ASPRV1: variants seen among roughly 807,000 people sequenced by gnomAD.
ASPRV1 encodes the protein retroviral-like aspartic protease 1.
A neutral mutation model predicts 11.0 loss-of-function variants in ASPRV1; 7 were observed. That is an observed-to-expected ratio of 0.64 (90% confidence interval 0.36 to 1.20). The LOEUF is 1.20. ASPRV1 is among the 50% of genes most tolerant of loss of function. ASPRV1 has a pLI of 0.02. For synonymous variants in ASPRV1, 136 were observed against 138.4 expected (o/e 0.98, Z 0.12); for missense variants, 299 against 320.0 (o/e 0.93, Z 0.50).
chr2:69,955,136 G>C (rs563030076), downstream of ASPRV1, among the ~76,000 whole-genome samples: 98 of 152,360 alleles, frequency 6.4e-4, no homozygotes, highest in Non-Finnish European at 1.2e-3. Flanking sequence ...AGCAGTGACT[G>C]ATGGGCCTGG....
the ASPRV1 span, among the ~76,000 whole-genome samples, chr2:70,022,529 C>CA: frequency 5.3e-5 from 8 of 150,034 alleles, no homozygotes; most frequent in South Asian, 2.1e-4. Flanking sequence ...CTACAAAAAA[C>CA]AAAAAAAAAG....
At chr2:69,937,492 T>C in the ASPRV1 span, 2 of 1,178,892 alleles carry the variant, frequency 1.7e-6, no homozygotes, top group Non-Finnish European at 2.3e-6. Context: ...TAAGAAGAAC[T>C]AAGACACTGG....
At chr2:70,072,314 A>G in the ASPRV1 span, among the ~76,000 whole-genome samples, 1 of 152,130 alleles carries the variant, frequency 6.6e-6, no homozygotes, top group East Asian at 1.9e-4. Flanking sequence ...GCTACTCAGA[A>G]GACTGAGGCA....
At chr2:69,956,479 A>AAGAAGAAGAAGAAG (rs1558579534), downstream of ASPRV1, among the ~76,000 whole-genome samples, 154 of 131,918 alleles carry the variant, frequency 1.2e-3, 9 homozygotes, top group African/African-American at 4.9e-3. Context: ...AGAAGAAGAA[A>AAGAAGAAGAAGAAG]AGAGGAAGAA....
chr2:69,954,420 G>A, the ASPRV1 span, among the ~76,000 whole-genome samples: 1 of 152,114 alleles, frequency 6.6e-6, no homozygotes, highest in South Asian at 2.1e-4. Flanking sequence ...TATACCATTG[G>A]CAGATACATT....
At chr2:70,025,447 G>A in the ASPRV1 span, among the ~76,000 whole-genome samples, 1 of 152,142 alleles carries the variant, frequency 6.6e-6, no homozygotes, top group Non-Finnish European at 1.5e-5. Context: ...AGGAGGAAGA[G>A]AAGGGAAAGA....
chr2:69,996,564 C>G, the ASPRV1 span: 4 of 387,630 alleles, frequency 1.0e-5, no homozygotes, highest in South Asian at 7.7e-5. Flanking sequence ...TGTTCCAGAA[C>G]AACAAAATGA....
At chr2:69,945,023 TA>T in the ASPRV1 span, among the ~76,000 whole-genome samples, 48 of 152,242 alleles carry the variant, frequency 3.2e-4, no homozygotes, top group Middle Eastern at 3.4e-3. Context: ...CACTATGACC[TA>T]GATGAGGAGG....
the ASPRV1 span, among the ~76,000 whole-genome samples, chr2:69,997,188 A>AG: frequency 2.7e-5 from 1 of 36,412 alleles, no homozygotes; most frequent in Non-Finnish European, 3.9e-5. Flanking sequence ...CCAGTCTATT[A>AG]AAAAAAAAAA....
chr2:70,022,636 G>A, the ASPRV1 span, among the ~76,000 whole-genome samples: 1 of 152,036 alleles, frequency 6.6e-6, no homozygotes, highest in East Asian at 1.9e-4. Context: ...GCTGCAGTGA[G>A]CTGAGATCGC....
At chr2:69,962,019 T>C (rs1678137787), upstream of ASPRV1, 1 of 282,278 alleles carries the variant, frequency 3.5e-6, no homozygotes, top group South Asian at 9.9e-5. Flanking sequence ...GTGACTACTT[T>C]GAGTGGTCAA....
At chr2:69,994,404 G>A in the ASPRV1 span, among the ~76,000 whole-genome samples, 5 of 152,204 alleles carry the variant, frequency 3.3e-5, no homozygotes, top group East Asian at 9.6e-4. Context: ...CCATTTTACA[G>A]CATGACCAAC....
chr2:69,956,947 C>T (rs1275083511), downstream of ASPRV1, among the ~76,000 whole-genome samples: 1 of 152,148 alleles, frequency 6.6e-6, no homozygotes, highest in Non-Finnish European at 1.5e-5. Context: ...TCAAAACTAT[C>T]AGGGTCATGA....
the ASPRV1 span, chr2:70,080,827 T>G: frequency 6.6e-6 from 1 of 152,254 alleles, no homozygotes; most frequent in African/African-American, 2.4e-5. Context: ...CAATTGACTG[T>G]GCTTTCTTTG....
chr2:70,075,283 TG>T, the ASPRV1 span: 2 of 148,592 alleles, frequency 1.3e-5, no homozygotes, highest in Non-Finnish European at 3.0e-5. Flanking sequence ...TGATTTTTTT[TG>T]TATTTTTAGT....
the ASPRV1 span, among the ~76,000 whole-genome samples, chr2:70,027,259 CA>C: frequency 0.031 from 1,549 of 49,650 alleles, 6 homozygotes; most frequent in African/African-American, 0.082. Flanking sequence ...CCCTGTCTCT[CA>C]AAAAAAAAAA....
chr2:70,078,042 C>T, the ASPRV1 span, among the ~76,000 whole-genome samples: 2 of 151,800 alleles, frequency 1.3e-5, no homozygotes, highest in African/African-American at 4.8e-5. Flanking sequence ...TGGCACACGC[C>T]TGTAATCCCA....
the ASPRV1 span, among the ~76,000 whole-genome samples, chr2:70,006,097 GCACATGCA>G: frequency 6.6e-6 from 1 of 152,196 alleles, no homozygotes; most frequent in African/African-American, 2.4e-5. Context: ...TAGAATATGT[GCACATGCA>G]CATGCCCATG....
chr2:69,945,836 G>A, the ASPRV1 span, among the ~76,000 whole-genome samples: 1 of 152,224 alleles, frequency 6.6e-6, no homozygotes, highest in African/African-American at 2.4e-5. Context: ...CTCAGGCCCT[G>A]GAGAAAAGGG....
Sources: allele counts gnomAD v4.1 joint callset (sites outside exome capture counted in the v4.1 genomes callset), GRCh38; gene constraint gnomAD v4.1.1; transcripts MANE v1.5; gene names NCBI Gene and HGNC (gene_info 2026-07-23, HGNC 2026-07-21).